TDRD3: variants seen among roughly 807,000 people sequenced by gnomAD.
TDRD3 encodes tudor domain-containing protein 3.
In TDRD3, 45 loss-of-function variants were observed where a neutral mutation model predicts 86.7. That is an observed-to-expected ratio of 0.52 (90% CI 0.41 to 0.67). The LOEUF is 0.67. TDRD3 is among the 30% of genes least tolerant of loss of function. TDRD3 has a pLI of 0.00. For synonymous variants in TDRD3, 298 were observed against 301.7 expected, an observed-to-expected ratio of 0.99 and a Z score of 0.13; for missense variants, 814 against 889.0, an observed-to-expected ratio of 0.92 and a Z score of 1.07.
intron 1 of TDRD3, among the ~76,000 whole-genome samples, chr13:60,433,405 T>C (rs767117882): frequency 9.2e-5 from 14 of 152,224 alleles, no homozygotes; most frequent in Admixed American, 3.3e-4. Context: ...TTTGATACTT[T>C]TTAGTGTGAT....
chr13:60,538,399 G>T (rs145995071), intron 12 of TDRD3, among the ~76,000 whole-genome samples: 1,313 of 121,380 alleles, frequency 0.011, 10 homozygotes, highest in Middle Eastern at 0.051. Context: ...TTTTTTTTTG[G>T]CTGTCTTAAG....
At chr13:60,509,976 T>C (rs1957022976) in intron 9 of TDRD3, 57 bp downstream of exon 9, 2 of 1,559,782 alleles carry the variant, frequency 1.3e-6, no homozygotes, top group Non-Finnish European at 1.7e-6. Flanking sequence ...GAGTAATATA[T>C]GTTATTGACA....
intron 5 of TDRD3, among the ~76,000 whole-genome samples, chr13:60,474,181 C>CCT (rs1026431523): frequency 2.0e-5 from 3 of 151,842 alleles, no homozygotes; most frequent in Non-Finnish European, 2.9e-5. Flanking sequence ...CGTAAGCTGT[C>CCT]CTCTCTCTCT....
chr13:60,430,487 G>A (rs1482889338), intron 1 of TDRD3, among the ~76,000 whole-genome samples: 1 of 152,098 alleles, frequency 6.6e-6, no homozygotes, highest in African/African-American at 2.4e-5. Context: ...TTATTAAAAA[G>A]TAACCCCAGT....
intron 1 of TDRD3, among the ~76,000 whole-genome samples, chr13:60,432,533 G>C (rs1196277434): frequency 2.0e-5 from 3 of 152,154 alleles, no homozygotes; most frequent in Non-Finnish European, 4.4e-5. Flanking sequence ...TATAGTAAGA[G>C]TCTATAAGAA....
At chr13:60,488,028 A>G (rs1956486183) in intron 7 of TDRD3, among the ~76,000 whole-genome samples, 1 of 152,134 alleles carries the variant, frequency 6.6e-6, no homozygotes, top group South Asian at 2.1e-4. Context: ...TGATGATGTT[A>G]CTGAGACACC....
intron 5 of TDRD3, among the ~76,000 whole-genome samples, chr13:60,480,874 C>A: frequency 6.6e-6 from 1 of 151,914 alleles, no homozygotes; most frequent in Non-Finnish European, 1.5e-5. Flanking sequence ...AGCTGGGGCA[C>A]TGCAGGCAGG....
At chr13:60,572,039 T>G (rs528907309) in intron 13 of TDRD3, among the ~76,000 whole-genome samples, 1 of 152,276 alleles carries the variant, frequency 6.6e-6, no homozygotes, top group Non-Finnish European at 1.5e-5. Context: ...TTATACACAG[T>G]TCTTTAGTCC....
chr13:60,456,155 ATTGTT>A (rs1955665120), intron 3 of TDRD3, among the ~76,000 whole-genome samples: 1 of 152,264 alleles, frequency 6.6e-6, no homozygotes, highest in East Asian at 1.9e-4. Flanking sequence ...AGAAAAAAAA[ATTGTT>A]TTAAGTGTTT....
At chr13:60,562,935 T>C (rs1958369344) in intron 12 of TDRD3, among the ~76,000 whole-genome samples, 1 of 151,904 alleles carries the variant, frequency 6.6e-6, no homozygotes, top group Admixed American at 6.6e-5. Context: ...AATGGTAATA[T>C]AAGATAAAGT....
rs562919177 is a variant in TDRD3, at chr13:60,408,675, A to C, written c.41+11270A>C. Reference sequence around the variant, plus strand: ...ATGATTTAAGGTATCTAGCAGAAGAAATTTCTAAGCAGCATAGCATTCAAA... The same window carrying C: ...ATGATTTAAGGTATCTAGCAGAAGACATTTCTAAGCAGCATAGCATTCAAA... On this transcript the variant is annotated intron_variant, in intron 1 of 13. Coordinates refer to ENST00000377881, the MANE Select transcript of TDRD3 (RefSeq NM_001146070.2). Among the ~76,000 whole-genome samples the C allele has an allele frequency of 4.6e-5, 7 of 152,314 alleles. No homozygotes were observed. In the South Asian group the frequency reaches 1.5e-3, roughly 32 times the overall value.
At chr13:60,561,982 C>T (rs374098746) in intron 12 of TDRD3, among the ~76,000 whole-genome samples, 1 of 151,934 alleles carries the variant, frequency 6.6e-6, no homozygotes, top group African/African-American at 2.4e-5. Context: ...ACATGACTCC[C>T]ATGGGCACCA....
In TDRD3 at chr13:60,509,831, T is replaced by C. The variant is rs925499145; in HGVS notation, c.927T>C (p.Leu309=). The part of the protein sequence containing the change: ...GFSKEASRQA[L]MDNGNNLEAA... Reference sequence around the variant, plus strand: ...GTAAGGAAGCATCGAGGCAAGCTCTTATGGATAATGGCAACAACTTAGAAG... The same window carrying C: ...GTAAGGAAGCATCGAGGCAAGCTCTCATGGATAATGGCAACAACTTAGAAG... The change falls in exon 9 of 14, where the codon CTT becomes CTC. Residue 309 remains leucine, a synonymous_variant. Transcript: ENST00000377881. The C allele has an allele frequency of 2.5e-6, 4 of 1,613,788 alleles. No homozygotes were observed. In the African/African-American group the frequency reaches 5.3e-5, roughly 22 times the overall value.
chr13:60,508,732 G>A (rs1276486523), intron 8 of TDRD3, among the ~76,000 whole-genome samples: 7 of 152,096 alleles, frequency 4.6e-5, no homozygotes, highest in African/African-American at 1.7e-4. Flanking sequence ...TGTGAAAAAA[G>A]TTTAGAAAAG....
At chr13:60,505,610 A>T (rs1244953918) in intron 8 of TDRD3, among the ~76,000 whole-genome samples, 2 of 152,188 alleles carry the variant, frequency 1.3e-5, no homozygotes, top group Admixed American at 1.3e-4. Flanking sequence ...TTCTAACCCA[A>T]TGCAAGGAAG....
intron 5 of TDRD3, among the ~76,000 whole-genome samples, chr13:60,481,699 C>A (rs982393672): frequency 1.3e-5 from 2 of 151,992 alleles, no homozygotes; most frequent in African/African-American, 4.8e-5. Flanking sequence ...TTTATTAGTT[C>A]ATCATCTTTG....
At chr13:60,413,390 C>T (rs1198608452) in intron 1 of TDRD3, among the ~76,000 whole-genome samples, 3 of 152,130 alleles carry the variant, frequency 2.0e-5, no homozygotes, top group African/African-American at 7.2e-5. Flanking sequence ...GACCAATTCT[C>T]CTGAGCTGAG....
At chr13:60,434,516 A>G (rs866427012) in intron 1 of TDRD3, among the ~76,000 whole-genome samples, 4 of 152,178 alleles carry the variant, frequency 2.6e-5, no homozygotes, top group Middle Eastern at 3.4e-3. Flanking sequence ...TGACTTAAAA[A>G]TTGCATTATT....
chr13:60,464,808 A>G (rs1955883137), intron 4 of TDRD3, among the ~76,000 whole-genome samples: 1 of 152,238 alleles, frequency 6.6e-6, no homozygotes, highest in Middle Eastern at 3.4e-3. Context: ...GGAGTGAGTG[A>G]TAAGGAGGGG....
Sources: gnomAD v4.1 joint callset for allele counts (sites outside exome capture counted in the v4.1 genomes callset) on GRCh38, gnomAD v4.1.1 for gene constraint, MANE v1.5 for transcripts, NCBI Gene and HGNC (gene_info 2026-07-23, HGNC 2026-07-21) for gene names.